MALRD1: variants seen among roughly 807,000 people sequenced by gnomAD.
MALRD1 encodes the protein MAM and LDL-receptor class A domain-containing protein 1.
Under a neutral mutation model 242.1 loss-of-function variants are expected in MALRD1, and 247 were observed. The ratio of observed to expected loss-of-function variants is 1.02; its 90% CI spans 0.92 to 1.13. MALRD1 has a LOEUF of 1.13. Ranked by LOEUF, MALRD1 falls within the 50% of genes most tolerant of loss-of-function variation. The pLI, the probability that MALRD1 is intolerant of heterozygous loss-of-function variation, is 0.00. For synonymous variants in MALRD1, 995 were observed against 866.6 expected, an observed-to-expected ratio of 1.15 and a Z score of -2.60; for missense variants, 2,989 against 2,533.1, an observed-to-expected ratio of 1.18 and a Z score of -3.86.
At chr10:19,454,832 A>G (rs1835560680) in intron 29 of MALRD1, among the ~76,000 whole-genome samples, 1 of 152,002 alleles carries the variant, frequency 6.6e-6, no homozygotes, top group Non-Finnish European at 1.5e-5. Flanking sequence ...TAAGTTTCAT[A>G]TTTCTTTCTT....
intron 32 of MALRD1, among the ~76,000 whole-genome samples, chr10:19,553,168 A>C (rs1206506712): frequency 6.6e-6 from 1 of 152,094 alleles, no homozygotes; most frequent in Non-Finnish European, 1.5e-5. Context: ...TGGGAATTTA[A>C]AGGTGCAGCC....
chr10:19,179,477 C>A (rs1835404125), intron 14 of MALRD1, among the ~76,000 whole-genome samples: 1 of 151,980 alleles, frequency 6.6e-6, no homozygotes, highest in South Asian at 2.1e-4. Flanking sequence ...TCACAAAACC[C>A]CATCTCTACT....
chr10:19,628,149 A>G (rs143091861), intron 36 of MALRD1, among the ~76,000 whole-genome samples: 7 of 152,224 alleles, frequency 4.6e-5, no homozygotes, highest in African/African-American at 7.2e-5. Flanking sequence ...ATTATTTATG[A>G]GACTATAGAA....
intron 18 of MALRD1, 69 bp from the exon 19 acceptor site, chr10:19,257,615 T>G (rs1158405472): frequency 1.7e-6 from 2 of 1,172,174 alleles, no homozygotes; most frequent in African/African-American, 3.1e-5. Context: ...TCTTCATCCA[T>G]TCCATAACTT....
intron 10 of MALRD1, among the ~76,000 whole-genome samples, chr10:19,140,142 A>T (rs532997263): frequency 6.6e-6 from 1 of 152,274 alleles, no homozygotes; most frequent in East Asian, 1.9e-4. Context: ...AATATTCCCC[A>T]TTCATTTCCC....
chr10:19,257,760 C>A lies in MALRD1; in HGVS notation c.3068C>A (p.Thr1023Asn). The part of the protein sequence containing the change: ...AIDDLSFMDC[T>N]LYPGNLPADL... ...GATGATCTGTCATTTATGGACTGCA[C>A]CCTCTACCCTGGTAAGAGAGAACAT... The change falls in exon 19 of 40, where the codon ACC becomes AAC. Residue 1023 changes from threonine to asparagine, a missense_variant. Transcript: ENST00000454679. 2.0e-6 allele frequency: 3 copies of A among 1,530,874 alleles called. No individual in the cohort carries two copies. The highest frequency in any genetic ancestry group is 2.6e-6 in the Non-Finnish European group (3 of 1,135,352). The allele number at this position is 1,530,874 out of a possible 1,614,324, so 94.8% of individuals were successfully genotyped here.
At chr10:19,128,160 T>C (rs1837340220) in intron 7 of MALRD1, 61 bp from the exon 8 acceptor site, 1 of 1,142,120 alleles carries the variant, frequency 8.8e-7, no homozygotes, top group South Asian at 4.4e-5. Context: ...GTAATAGTTT[T>C]AGTCAGACAG....
intron 1 of MALRD1, among the ~76,000 whole-genome samples, chr10:19,058,995 A>C (rs2131219921): frequency 6.6e-6 from 1 of 152,306 alleles, no homozygotes; most frequent in South Asian, 2.1e-4. Context: ...TGGTAATTTT[A>C]CTTTTAGAAA....
At chr10:19,147,928 T>G (rs2131444659) in intron 11 of MALRD1, among the ~76,000 whole-genome samples, 1 of 152,034 alleles carries the variant, frequency 6.6e-6, no homozygotes, top group Admixed American at 6.6e-5. Flanking sequence ...ATGGGAGTAG[T>G]TAGGGATGAA....
At chr10:19,219,860 A>G (rs1240246662) in intron 18 of MALRD1, among the ~76,000 whole-genome samples, 2 of 152,158 alleles carry the variant, frequency 1.3e-5, no homozygotes, top group African/African-American at 4.8e-5. Flanking sequence ...ATGCATTCAG[A>G]TTTGATCAGC....
intron 28 of MALRD1, among the ~76,000 whole-genome samples, chr10:19,420,323 G>T (rs1256631355): frequency 1.3e-5 from 2 of 152,124 alleles, no homozygotes; most frequent in Non-Finnish European, 1.5e-5. Context: ...GGTGGAGCCG[G>T]TAATCGAAAA....
rs189330769 is a variant in MALRD1, at chr10:19,154,886, T to A, written c.1559-189T>A. On this transcript the variant is annotated intron_variant, in intron 11 of 39. Transcript: ENST00000454679. ...GCTTGTTTTAATTGATTAAATGTTATTTTAGGTATTTAATGTTATACCGGT... is the reference window on the plus strand; with the variant it reads ...GCTTGTTTTAATTGATTAAATGTTAATTTAGGTATTTAATGTTATACCGGT... Among the ~76,000 whole-genome samples, 35 of 152,322 alleles carry A rather than the reference T, an allele frequency of 2.3e-4. 2 individuals carry two copies. The highest frequency in any genetic ancestry group is 1.3e-3 in the East Asian group (7 of 5,186).
At chr10:19,452,223 G>C (rs1373265920) in intron 29 of MALRD1, among the ~76,000 whole-genome samples, 2 of 152,146 alleles carry the variant, frequency 1.3e-5, no homozygotes, top group Non-Finnish European at 2.9e-5. Flanking sequence ...TCCTAGATGG[G>C]TTGATTCAGG....
chr10:19,511,339 A>G (rs1396369671), intron 31 of MALRD1, among the ~76,000 whole-genome samples: 1 of 152,142 alleles, frequency 6.6e-6, no homozygotes, highest in Non-Finnish European at 1.5e-5. Flanking sequence ...CTCTACAAAT[A>G]AAAATATATC....
intron 26 of MALRD1, among the ~76,000 whole-genome samples, chr10:19,361,531 T>C (rs780322669): frequency 6.6e-6 from 1 of 152,188 alleles, no homozygotes; most frequent in Non-Finnish European, 1.5e-5. Flanking sequence ...GCCTACATCT[T>C]AATAAAGGAA....
chr10:19,574,897 TA>T (rs949077595), intron 33 of MALRD1, among the ~76,000 whole-genome samples: 1 of 152,112 alleles, frequency 6.6e-6, no homozygotes, highest in African/African-American at 2.4e-5. Context: ...TCATTGCAGT[TA>T]GATGCAGAAG....
chr10:19,690,085 G>A (rs562966984), intron 36 of MALRD1, among the ~76,000 whole-genome samples: 17 of 152,034 alleles, frequency 1.1e-4, no homozygotes, highest in African/African-American at 3.6e-4. Context: ...TTTTTGGGGG[G>A]TAGTGTATTC....
At chr10:19,149,668 A>G (rs530276995) in intron 11 of MALRD1, among the ~76,000 whole-genome samples, 1 of 152,134 alleles carries the variant, frequency 6.6e-6, no homozygotes, top group Admixed American at 6.6e-5. Flanking sequence ...AATACTATCT[A>G]TTTTTTTCAT....
chr10:19,058,046 A>T (rs183711224), intron 1 of MALRD1, among the ~76,000 whole-genome samples: 153 of 152,372 alleles, frequency 1.0e-3, no homozygotes, highest in Non-Finnish European at 1.9e-3. Context: ...CTGTATGCCA[A>T]GCACTGTTAA....
Sources: allele counts gnomAD v4.1 joint callset (sites outside exome capture counted in the v4.1 genomes callset), GRCh38; gene constraint gnomAD v4.1.1; transcripts MANE v1.5; gene names NCBI Gene and HGNC (gene_info 2026-07-23, HGNC 2026-07-21).